ZNF697: variants seen among roughly 807,000 people sequenced by gnomAD.
ZNF697 encodes zinc finger protein 697.
ZNF697 carries 23 observed loss-of-function variants against 32.4 expected under a neutral mutation model. That is an observed-to-expected ratio of 0.71 (90% CI 0.51 to 1.01). ZNF697 has a LOEUF of 1.01. Ranked by LOEUF, ZNF697 falls within the 50% of genes least tolerant of loss-of-function variation. The pLI is 0.00. For synonymous variants in ZNF697, 418 were observed against 337.2 expected (o/e 1.24, Z -2.62); for missense variants, 930 against 794.0 (o/e 1.17, Z -2.06).
In ZNF697 at chr1:119,620,118, C is replaced by T. The variant is rs928432645; in HGVS notation, c.*2587G>A. On this transcript the variant is annotated 3_prime_UTR_variant, in exon 3 of 3. Transcript: ENST00000421812. ...CACATTTTAAATGCACCAATAGAGT[C>T]GGGTGTTGGTAGTTGGATTGTTTTC... 1 of 152,566 alleles carries T rather than the reference C, an allele frequency of 6.6e-6. No individual in the cohort carries two copies. The highest frequency in any genetic ancestry group is 6.5e-5 in the Admixed American group (1 of 15,282). The allele number at this position is 152,566 out of a possible 1,614,324, so 9.5% of individuals were successfully genotyped here.
Position 119,648,008 on chromosome 1 carries a change from G to A in ZNF697, c.-355C>T, listed in dbSNP as rs587655351. Among the ~76,000 whole-genome samples the A allele has an allele frequency of 4.5e-4, 69 of 152,306 alleles. 3 individuals are homozygous for A. The South Asian group carries it at 0.014, about 31-fold the overall frequency. Reference sequence around the variant, plus strand: ...CACACCCCATCCCCGCAGCGGTCGGGTCTGGTCCCGATCAGCCCCATCCCC... The same window carrying A: ...CACACCCCATCCCCGCAGCGGTCGGATCTGGTCCCGATCAGCCCCATCCCC... On this transcript the variant is annotated 5_prime_UTR_variant, in exon 1 of 3. Coordinates refer to ENST00000421812, the MANE Select transcript of ZNF697 (RefSeq NM_001080470.2).
In ZNF697 at chr1:119,621,839, A is replaced by G. The variant is rs1294907788; in HGVS notation, c.*866T>C. The G allele has an allele frequency of 2.0e-5, 3 of 151,860 alleles. No homozygotes were observed. The highest frequency in any genetic ancestry group is 7.3e-5 in the African/African-American group (3 of 41,318). 9.4% of individuals were successfully genotyped at this position (151,860 alleles called of 1,614,324 possible). On this transcript the variant is annotated 3_prime_UTR_variant, in exon 3 of 3. Coordinates refer to ENST00000421812, the MANE Select transcript of ZNF697 (RefSeq NM_001080470.2). ...AGGTGGGAAAAGGAAAGTCACACAT[A>G]GCTGTGATTGTTCCTTTTCCCTGCA...
chr1:119,638,992 A>G (rs1648997177), intron 1 of ZNF697, among the ~76,000 whole-genome samples: 1 of 152,236 alleles, frequency 6.6e-6, no homozygotes, highest in Admixed American at 6.5e-5. Context: ...ATAGGGGAAA[A>G]CAAGCTACCT....
intron 1 of ZNF697, among the ~76,000 whole-genome samples, chr1:119,646,925 G>A (rs1459206008): frequency 6.6e-6 from 1 of 152,172 alleles, no homozygotes; most frequent in Non-Finnish European, 1.5e-5. Flanking sequence ...TCAGTCTTGA[G>A]GGAGGAGGGT....
chr1:119,637,162 A>G (rs745529175), intron 1 of ZNF697, among the ~76,000 whole-genome samples: 6 of 152,378 alleles, frequency 3.9e-5, no homozygotes, highest in African/African-American at 1.4e-4. Context: ...TAGCAAAGTT[A>G]TCTTGCCTGC....
chr1:119,622,651 G>C lies in ZNF697; in HGVS notation c.*54C>G. The C allele has an allele frequency of 6.9e-7, 1 of 1,459,702 alleles. No homozygotes were observed. Among genetic ancestry groups the C allele is most frequent in the Non-Finnish European group, 9.0e-7 (1 of 1,107,794 alleles). 90.4% of individuals were successfully genotyped at this position (1,459,702 alleles called of 1,614,324 possible). On this transcript the variant is annotated 3_prime_UTR_variant, in exon 3 of 3. Coordinates refer to ENST00000421812, the MANE Select transcript of ZNF697 (RefSeq NM_001080470.2). Reference sequence around the variant, plus strand: ...ACTTCCTTCCCCTGGGTCAGTCCCAGGATATCTACCCCCCACAGGCTCCCC... The same window carrying C: ...ACTTCCTTCCCCTGGGTCAGTCCCACGATATCTACCCCCCACAGGCTCCCC...
rs587744042 is a variant in ZNF697 at position 119,626,186 on chromosome 1, C to T, written c.-37-49G>A. ...AGGTCACGTCAGTCCGGTCTCATCCCCTCACCACGCCCAGCCTTAATTTCC... is the reference window on the plus strand; with the variant it reads ...AGGTCACGTCAGTCCGGTCTCATCCTCTCACCACGCCCAGCCTTAATTTCC... On this transcript the variant is annotated intron_variant, in intron 1 of 2. Transcript: ENST00000421812. The T allele has an allele frequency of 1.4e-4, 223 of 1,557,816 alleles. 3 individuals are homozygous for T. In the South Asian group the frequency reaches 2.6e-3, roughly 18 times the overall value.
In ZNF697 at chr1:119,622,619, CT is replaced by C. The variant is rs1648370791; in HGVS notation, c.*85del. On this transcript the variant is annotated 3_prime_UTR_variant, in exon 3 of 3. Transcript: ENST00000421812. Reference sequence around the variant, plus strand: ...CACTCTCAGATTGTCCCTCCCGCCCCTTCCCCACTTCCTTCCCCTGGGTCAG... The same window carrying C: ...CACTCTCAGATTGTCCCTCCCGCCCCTCCCCACTTCCTTCCCCTGGGTCAG... 1 of 1,435,326 alleles carries C rather than the reference CT, an allele frequency of 7.0e-7. No individual in the cohort carries two copies. The highest frequency in any genetic ancestry group is 9.1e-7 in the Non-Finnish European group (1 of 1,098,480). The allele number at this position is 1,435,326 out of a possible 1,614,324, so 88.9% of individuals were successfully genotyped here.
intron 1 of ZNF697, among the ~76,000 whole-genome samples, chr1:119,635,342 A>T (rs1648892509): frequency 6.6e-6 from 1 of 152,184 alleles, no homozygotes; most frequent in South Asian, 2.1e-4. Context: ...TGGAGCAAAG[A>T]TACTAATAGA....
At position 119,621,149 on chromosome 1, in the gene ZNF697, C is replaced by T. The variant is rs1648296398; in HGVS notation, c.*1556G>A. ...TTTGTCAATAAGGACATGTTTGGCC[C>T]TTCTAGGCTAGCCTTAAGTTTTTCA... On this transcript the variant is annotated 3_prime_UTR_variant, in exon 3 of 3. Coordinates refer to ENST00000421812, the MANE Select transcript of ZNF697 (RefSeq NM_001080470.2). 6.6e-6 allele frequency: 1 copy of T among 152,114 alleles called. No homozygotes were observed. Among genetic ancestry groups the T allele is most frequent in the African/African-American group, 2.4e-5 (1 of 41,434 alleles). The allele number at this position is 152,114 out of a possible 1,614,324, so 9.4% of individuals were successfully genotyped here.
intron 2 of ZNF697, among the ~76,000 whole-genome samples, chr1:119,625,657 CAGTG>C (rs1049765287): frequency 6.6e-6 from 1 of 152,154 alleles, no homozygotes; most frequent in Non-Finnish European, 1.5e-5. Flanking sequence ...AGTACTGCGC[CAGTG>C]AGTGAGCCTC....
rs1456883743 is a variant in ZNF697 at position 119,623,943 on chromosome 1, C to T, written c.400G>A (p.Glu134Lys). The change falls in exon 3 of 3, where the codon GAG (glutamate) becomes AAG (lysine). Residue 134 changes from glutamate to lysine, a missense_variant. Transcript: ENST00000421812. ...AGENRLEEEE[E>K]QPAPPVLPWR... ...GGAAGTACGGGAGGGGCCGGCTGCT[C>T]CTCTTCCTCCTCCAGCCGGTTCTCC... 6.3e-7 allele frequency: 1 copy of T among 1,597,644 alleles called. No individual in the cohort carries two copies. Among genetic ancestry groups the T allele is most frequent in the Non-Finnish European group, 8.5e-7 (1 of 1,172,350 alleles).
Position 119,622,701 on chromosome 1 carries a change from G to T in ZNF697, c.*4C>A. The T allele has an allele frequency of 6.6e-7, 1 of 1,514,992 alleles. No individual in the cohort carries two copies. Among genetic ancestry groups the T allele is most frequent in the Non-Finnish European group, 8.9e-7 (1 of 1,128,020 alleles). The allele number at this position is 1,514,992 out of a possible 1,614,324, so 93.8% of individuals were successfully genotyped here. On this transcript the variant is annotated 3_prime_UTR_variant, in exon 3 of 3. Coordinates refer to ENST00000421812, the MANE Select transcript of ZNF697 (RefSeq NM_001080470.2). ...CAGACGGCAGCCTCCCGCGGACCCA[G>T]CCCCTAACACAGGTGCAGCTTCTGG...
chr1:119,639,564 G>C (rs939302305), intron 1 of ZNF697, among the ~76,000 whole-genome samples: 10 of 152,232 alleles, frequency 6.6e-5, no homozygotes, highest in African/African-American at 2.4e-4. Context: ...TCCGGAGGCA[G>C]CAGCACCTGT....
At chr1:119,624,339 G>A (rs908089535) in intron 2 of ZNF697, among the ~76,000 whole-genome samples, 17 of 149,082 alleles carry the variant, frequency 1.1e-4, no homozygotes, top group Non-Finnish European at 2.2e-4. Flanking sequence ...AGTTCTTCAG[G>A]CAGCCTCCTC....
In ZNF697 at chr1:119,625,966, G is replaced by C. The variant is rs752959887; in HGVS notation, c.135C>G (p.Asp45Glu). The change falls in exon 2 of 3, where the codon GAC (aspartate) becomes GAG (glutamate). Residue 45 changes from aspartate (D) to glutamate (E), a missense_variant. Physicochemically the swap from Asp to Glu is conservative, Grantham distance 45. Coordinates refer to ENST00000421812, the MANE Select transcript of ZNF697 (RefSeq NM_001080470.2). Reference protein sequence around the residue: ...EEREMGSNPHDTNKREGHPEP... With the variant: ...EEREMGSNPHETNKREGHPEP... The stretch of plus-strand genomic sequence containing the variant: ...CCGGATGGCCTTCTCTCTTGTTTGT[G>C]TCATGTGGATTAGAGCCCATTTCTC... 10 of 1,613,926 alleles carry C rather than the reference G, an allele frequency of 6.2e-6. No homozygotes were observed. Among genetic ancestry groups the C allele is most frequent in the African/African-American group, 2.7e-5 (2 of 74,928 alleles).
In ZNF697 at chr1:119,622,157, A is replaced by T. The variant is rs1648345594; in HGVS notation, c.*548T>A. On this transcript the variant is annotated 3_prime_UTR_variant, in exon 3 of 3. Coordinates refer to ENST00000421812, the MANE Select transcript of ZNF697 (RefSeq NM_001080470.2). ...AATAGCAGCTAACTGTGGCTCAGAG[A>T]AAGGAAAAGTACATTAAATATCCTG... 1 of 152,708 alleles carries T rather than the reference A, an allele frequency of 6.5e-6. No individual in the cohort carries two copies. The highest frequency in any genetic ancestry group is 1.5e-5 in the Non-Finnish European group (1 of 68,130). The allele number at this position is 152,708 out of a possible 1,614,324, so 9.5% of individuals were successfully genotyped here. A position where few individuals can be genotyped will look rare whatever the true frequency, so the allele number is the denominator to read the frequency against.
chr1:119,646,597 T>G (rs943361585), intron 1 of ZNF697, among the ~76,000 whole-genome samples: 1 of 152,194 alleles, frequency 6.6e-6, no homozygotes, highest in Admixed American at 6.5e-5. Context: ...GCATCATTCT[T>G]TCGACCATGA....
chr1:119,622,855 G>A lies in ZNF697; in HGVS notation c.1488C>T (p.Ile496=). Residue 496 remains isoleucine (I), a synonymous_variant, in exon 3 of 3, where the codon ATC becomes ATT. Coordinates refer to ENST00000421812, the MANE Select transcript of ZNF697 (RefSeq NM_001080470.2). ...THTGEKPYTC[I]ECGKSFIQSS... Reference sequence around the variant, plus strand: ...TCTGGATAAAGCTCTTGCCGCACTCGATGCACGTGTAGGGCTTCTCGCCCG... The same window carrying A: ...TCTGGATAAAGCTCTTGCCGCACTCAATGCACGTGTAGGGCTTCTCGCCCG... The A allele has an allele frequency of 1.2e-6, 2 of 1,609,128 alleles. No individual in the cohort carries two copies. The highest frequency in any genetic ancestry group is 1.7e-5 in the Admixed American group (1 of 59,380).
Sources: allele counts gnomAD v4.1 joint callset (sites outside exome capture counted in the v4.1 genomes callset), GRCh38; gene constraint gnomAD v4.1.1; transcripts MANE v1.5; gene names NCBI Gene and HGNC (gene_info 2026-07-23, HGNC 2026-07-21).